Variants in TLN1 observed in about 807,000 individuals in gnomAD.
The protein encoded by TLN1 is talin 1, also known as talin-1.
Under a neutral mutation model 292.3 loss-of-function variants are expected in TLN1, and 56 were observed. The ratio of observed to expected loss-of-function variants is 0.19; its 90% CI spans 0.15 to 0.24. The LOEUF (loss-of-function observed/expected upper bound fraction) is 0.24, where lower values mean the gene tolerates loss of function less well. TLN1 is among the 10% of genes least tolerant of loss of function. The probability of loss-of-function intolerance (pLI) is 1.00; values close to 1 mark genes in which losing one functional copy is unlikely to be tolerated. For synonymous variants in TLN1, 1,119 were observed against 1,253.7 expected (o/e 0.89, Z 2.27); for missense variants, 2,433 against 3,248.2 (o/e 0.75, Z 6.10).
chr9:35,717,954 A>G lies in TLN1; in HGVS notation c.1996-168T>C, dbSNP rs1225526481. Among the ~76,000 whole-genome samples, 1 of 152,196 alleles carries G rather than the reference A, an allele frequency of 6.6e-6. No individual in the cohort carries two copies. The highest frequency in any genetic ancestry group is 6.5e-5 in the Admixed American group (1 of 15,278). ...TACTGCCCTGAGCACCCAGCAGGAC[A>G]GAACCCCCACCGAGGAACAAACCCA... is the stretch of plus-strand genomic sequence containing the variant. On this transcript the variant is annotated intron_variant, in intron 17 of 56. Transcript: ENST00000314888. This position sits in a 1 kb window ranked among gnomAD's most constrained non-coding sequence, Gnocchi z 4.7.
rs1825537481 is a variant in TLN1 at position 35,704,939 on chromosome 9, G to A, written c.5734-124C>T. The A allele has an allele frequency of 3.3e-6, 4 of 1,211,028 alleles. No individual in the cohort carries two copies. Among genetic ancestry groups the A allele is most frequent in the African/African-American group, 1.5e-5 (1 of 65,368 alleles). 75.0% of individuals were successfully genotyped at this position (1,211,028 alleles called of 1,614,324 possible). ...ATTGTAGACTAAAGAAGCAGAGAGA[G>A]AAGGTTCCCAGCACAAGGACGTTTC... On this transcript the variant is annotated intron_variant, in intron 43 of 56. Transcript: ENST00000314888. This position sits in a 1 kb window ranked among gnomAD's most constrained non-coding sequence, Gnocchi z 6.9.
intron 1 of TLN1, among the ~76,000 whole-genome samples, chr9:35,726,400 C>G (rs2737275): frequency 0.28 from 41,888 of 152,086 alleles, 5,981 homozygotes; most frequent in Admixed American, 0.3. Context: ...CTCCTGCCTT[C>G]TTTTCATTTT....
At position 35,699,255 on chromosome 9, in the gene TLN1, G is replaced by A; in HGVS notation, c.6875-99C>T. The A allele has an allele frequency of 1.3e-6, 2 of 1,555,120 alleles. No homozygotes were observed. Among genetic ancestry groups the A allele is most frequent in the Non-Finnish European group, 1.7e-6 (2 of 1,148,560 alleles). Reference sequence around the variant, plus strand: ...TATCATCAGGCCCTGGCATCTGTGGGGACTATGGTCAGAGGCTAGCACAGA... The same window carrying A: ...TATCATCAGGCCCTGGCATCTGTGGAGACTATGGTCAGAGGCTAGCACAGA... On this transcript the variant is annotated intron_variant, in intron 51 of 56. Coordinates refer to ENST00000314888, the MANE Select transcript of TLN1 (RefSeq NM_006289.4). This position sits in a 1 kb window ranked among gnomAD's most constrained non-coding sequence, Gnocchi z 4.0.
At position 35,710,902 on chromosome 9, in the gene TLN1, G is replaced by A. The variant is rs1375279187; in HGVS notation, c.4114-16C>T. 6.2e-7 allele frequency: 1 copy of A among 1,613,884 alleles called. No homozygotes were observed. The highest frequency in any genetic ancestry group is 1.3e-5 in the African/African-American group (1 of 74,888). ...CCCGGACCGTCTGTGTAGGGGGAGG[G>A]CAAAGTGAGATCCAAGACACCTCCC... On this transcript the variant is annotated splice_polypyrimidine_tract_variant and intron_variant, in intron 31 of 56. Coordinates refer to ENST00000314888, the MANE Select transcript of TLN1 (RefSeq NM_006289.4).
chr9:35,698,889 A>C lies in TLN1; in HGVS notation c.7044T>G (p.Ala2348=). ...TGGTGGCTGCTGCAATGGACTTGGC[A>C]GCTTCTAGTATCTGCTCCTCAAAGT... is the stretch of plus-strand genomic sequence containing the variant. ...SLNFEEQILE[A]AKSIAAATSA... Residue 2348 remains alanine (A), a synonymous_variant, in exon 53 of 57, where the codon GCT becomes GCG. Coordinates refer to ENST00000314888, the MANE Select transcript of TLN1 (RefSeq NM_006289.4). This position sits in a 1 kb window ranked among gnomAD's most constrained non-coding sequence, Gnocchi z 5.3. 6.2e-7 allele frequency: 1 copy of C among 1,614,176 alleles called. No homozygotes were observed. Among genetic ancestry groups the C allele is most frequent in the African/African-American group, 1.3e-5 (1 of 75,078 alleles).
intron 48 of TLN1, 74 bp from the exon 49 acceptor site, chr9:35,700,450 G>A: frequency 6.9e-7 from 1 of 1,457,296 alleles, no homozygotes. Context: ...CTGTGTGCAT[G>A]TGATTTGGTG....
Position 35,724,116 on chromosome 9 carries a change from T to G in TLN1, c.655-37A>C. On this transcript the variant is annotated intron_variant, in intron 6 of 56. Coordinates refer to ENST00000314888, the MANE Select transcript of TLN1 (RefSeq NM_006289.4). The surrounding 1 kb of genome is among the most constrained non-coding windows in gnomAD (Gnocchi z 4.7). Reference sequence around the variant, plus strand: ...AGGGCAAGGAGGCGAATGTTGTGTGTGGGTGCAAGGACACGCACACTGTGC... The same window carrying G: ...AGGGCAAGGAGGCGAATGTTGTGTGGGGGTGCAAGGACACGCACACTGTGC... The G allele has an allele frequency of 6.2e-7, 1 of 1,612,634 alleles. No homozygotes were observed.
chr9:35,720,437 T>G lies in TLN1; in HGVS notation c.1279A>C (p.Lys427Gln). The G allele has an allele frequency of 6.2e-7, 1 of 1,614,072 alleles. No individual in the cohort carries two copies. Among genetic ancestry groups the G allele is most frequent in the Non-Finnish European group, 8.5e-7 (1 of 1,179,966 alleles). The change falls in exon 12 of 57, where the codon AAA becomes CAA. Residue 427 changes from lysine to glutamine, a missense_variant. Lys to Gln is a moderately conservative substitution (Grantham distance 53). Transcript: ENST00000314888. ...TCAGCCCAACTCCCTTCGTACTTTT[T>G]GGGGGACACTGAGTCCTCCAGCATA... ...STMLEDSVSP[K>Q]KSTVLQQQYN...
Position 35,707,255 on chromosome 9 carries a change from T to A in TLN1, c.4774-2A>T. Reference sequence around the variant, plus strand: ...AATGGGCTCCATGGCAGCCCGACCCTGGGGAGAGGGGAGGCAGGAAGGTAA... The same window carrying A: ...AATGGGCTCCATGGCAGCCCGACCCAGGGGAGAGGGGAGGCAGGAAGGTAA... On this transcript the variant is annotated splice_acceptor_variant, in intron 36 of 56. Transcript: ENST00000314888. LOFTEE classifies it high-confidence loss of function. This position sits in a 1 kb window ranked among gnomAD's most constrained non-coding sequence, Gnocchi z 5.6. 6.2e-7 allele frequency: 1 copy of A among 1,603,006 alleles called. No homozygotes were observed. Among genetic ancestry groups the A allele is most frequent in the Non-Finnish European group, 8.5e-7 (1 of 1,172,350 alleles).
At chr9:35,703,415 C>T in intron 48 of TLN1, 145 bp downstream of exon 48, 2 of 739,696 alleles carry the variant, frequency 2.7e-6, no homozygotes, top group East Asian at 2.6e-5. Context: ...CAGAGCAAGA[C>T]CCTTCTCAAA....
Position 35,719,418 on chromosome 9 carries a change from G to C in TLN1, c.1687+101C>G. On this transcript the variant is annotated intron_variant, in intron 15 of 56. Coordinates refer to ENST00000314888, the MANE Select transcript of TLN1 (RefSeq NM_006289.4). The surrounding 1 kb of genome is among the most constrained non-coding windows in gnomAD (Gnocchi z 4.6). ...GCACACACACAGTCCCTTCCACAGT[G>C]AGTCAAGGCACAGTCACACATGAAG... 7.4e-7 allele frequency: 1 copy of C among 1,347,418 alleles called. No individual in the cohort carries two copies. The highest frequency in any genetic ancestry group is 1.1e-6 in the Non-Finnish European group (1 of 941,144). 83.5% of individuals were successfully genotyped at this position (1,347,418 alleles called of 1,614,324 possible).
chr9:35,723,365 A>G, intron 7 of TLN1: 1 of 198,934 alleles, frequency 5.0e-6, no homozygotes, highest in South Asian at 8.0e-5. Flanking sequence ...GGCCTCCCAA[A>G]GTGCTGGGAT....
intron 1 of TLN1, among the ~76,000 whole-genome samples, chr9:35,730,899 C>A (rs1239392290): frequency 2.0e-5 from 3 of 152,130 alleles, no homozygotes; most frequent in African/African-American, 7.2e-5. Context: ...CCCCCATAGT[C>A]ATCAGCTCCT....
At position 35,699,583 on chromosome 9, in the gene TLN1, CAA is replaced by C; in HGVS notation, c.6769-124_6769-123del. The C allele has an allele frequency of 7.0e-7, 1 of 1,435,800 alleles. No homozygotes were observed. The highest frequency in any genetic ancestry group is 9.1e-7 in the Non-Finnish European group (1 of 1,096,248). The allele number at this position is 1,435,800 out of a possible 1,614,324, so 88.9% of individuals were successfully genotyped here. A position where few individuals can be genotyped will look rare whatever the true frequency, so the allele number is the denominator to read the frequency against. On this transcript the variant is annotated intron_variant, in intron 50 of 56. Coordinates refer to ENST00000314888, the MANE Select transcript of TLN1 (RefSeq NM_006289.4). The surrounding 1 kb of genome is among the most constrained non-coding windows in gnomAD (Gnocchi z 4.0). ...CTAGAGCACTCCACACCATAGCCCTCAAACTCCACGCTGCCTATCCAAGTACA... is the reference window on the plus strand; with the variant it reads ...CTAGAGCACTCCACACCATAGCCCTCACTCCACGCTGCCTATCCAAGTACA...
chr9:35,704,502 G>C lies in TLN1; in HGVS notation c.5881-4C>G, dbSNP rs1431936822. On this transcript the variant is annotated splice_polypyrimidine_tract_variant and splice_region_variant and intron_variant, in intron 44 of 56. Transcript: ENST00000314888. This position sits in a 1 kb window ranked among gnomAD's most constrained non-coding sequence, Gnocchi z 6.9. The stretch of plus-strand genomic sequence containing the variant: ...GCGCAGCCAGGACGTGGGAGACCTG[G>C]GTAGGGAATGTCACATGGTGACTGT... 1 of 1,603,828 alleles carries C rather than the reference G, an allele frequency of 6.2e-7. No homozygotes were observed. Among genetic ancestry groups the C allele is most frequent in the South Asian group, 1.1e-5 (1 of 89,848 alleles).
Position 35,707,411 on chromosome 9 carries a change from G to T in TLN1, c.4710C>A (p.Asp1570Glu). The change falls in exon 36 of 57, where the codon GAC (aspartate) becomes GAA (glutamate). Residue 1570 changes from aspartate (D) to glutamate (E), a missense_variant. Transcript: ENST00000314888. This position sits in a 1 kb window ranked among gnomAD's most constrained non-coding sequence, Gnocchi z 5.6. The part of the protein sequence containing the change: ...AATAPLLEAV[D>E]NLSAFASNPE... ...GGTTGGACGCAAAGGCACTCAGATTGTCCACAGCCTCCAGCAGAGGGGCTG... is the reference window on the plus strand; with the variant it reads ...GGTTGGACGCAAAGGCACTCAGATTTTCCACAGCCTCCAGCAGAGGGGCTG... 6.2e-7 allele frequency: 1 copy of T among 1,614,174 alleles called. No homozygotes were observed. Among genetic ancestry groups the T allele is most frequent in the South Asian group, 1.1e-5 (1 of 91,088 alleles).
At chr9:35,711,121 T>A in intron 30 of TLN1, 39 bp from the exon 31 acceptor site, 1 of 1,610,802 alleles carries the variant, frequency 6.2e-7, no homozygotes, top group Non-Finnish European at 8.5e-7. Context: ...GGTGAATAGG[T>A]CATCATTCCT....
intron 17 of TLN1, among the ~76,000 whole-genome samples, chr9:35,718,446 T>C (rs780749255): frequency 1.4e-4 from 21 of 151,918 alleles, no homozygotes; most frequent in Admixed American, 2.6e-4. Flanking sequence ...GCTGAGGAAA[T>C]TGGCATGGAG....
rs908008557 is a variant in TLN1 at position 35,719,414 on chromosome 9, C to T, written c.1687+105G>A. ...AGACGCACACACACAGTCCCTTCCACAGTGAGTCAAGGCACAGTCACACAT... is the reference window on the plus strand; with the variant it reads ...AGACGCACACACACAGTCCCTTCCATAGTGAGTCAAGGCACAGTCACACAT... On this transcript the variant is annotated intron_variant, in intron 15 of 56. Transcript: ENST00000314888. The surrounding 1 kb of genome is among the most constrained non-coding windows in gnomAD (Gnocchi z 4.6). 7.1e-5 allele frequency: 96 copies of T among 1,352,458 alleles called. No homozygotes were observed. Among genetic ancestry groups the T allele is most frequent in the East Asian group, 1.1e-4 (5 of 43,616 alleles). 83.8% of individuals were successfully genotyped at this position (1,352,458 alleles called of 1,614,324 possible). A position where few individuals can be genotyped will look rare whatever the true frequency, so the allele number is the denominator to read the frequency against.
Sources: gnomAD v4.1 joint callset for allele counts (sites outside exome capture counted in the v4.1 genomes callset) on GRCh38, gnomAD v4.1.1 for gene constraint, Gnocchi (gnomAD v3.1) non-coding constraint, MANE v1.5 for transcripts, NCBI Gene and HGNC (gene_info 2026-07-23, HGNC 2026-07-21) for gene names.